MCM3AP: variants seen among roughly 807,000 people sequenced by gnomAD.
MCM3AP encodes germinal-center associated nuclear protein.
A neutral mutation model predicts 184.1 loss-of-function variants in MCM3AP; 126 were observed. The observed-to-expected ratio is 0.68, with a 90% confidence interval of 0.59 to 0.79. The LOEUF (loss-of-function observed/expected upper bound fraction) is 0.79. MCM3AP is among the 30% of genes least tolerant of loss of function. MCM3AP has a pLI of 0.00. For synonymous variants in MCM3AP, 1,002 were observed against 979.3 expected (o/e 1.02, Z -0.43); for missense variants, 2,496 against 2,479.2 (o/e 1.01, Z -0.14).
chr21:46,254,325 C>T (rs2080914648), intron 19 of MCM3AP, 67 bp downstream of exon 19: 1 of 1,590,036 alleles, frequency 6.3e-7, no homozygotes. Flanking sequence ...ATACCCGGCC[C>T]TGGCCCACAA....
At chr21:46,246,499 G>A in intron 21 of MCM3AP, 95 bp from the exon 22 acceptor site, 3 of 1,413,202 alleles carry the variant, frequency 2.1e-6, no homozygotes, top group Non-Finnish European at 3.0e-6. Context: ...GTCCTGCAGT[G>A]GACAGTCACC....
intron 21 of MCM3AP, 66 bp from the exon 22 acceptor site, chr21:46,246,470 A>G: frequency 7.5e-7 from 1 of 1,340,416 alleles, no homozygotes; most frequent in Non-Finnish European, 1.1e-6. Flanking sequence ...AACATATCTC[A>G]CTGTGCTGAC....
intron 20 of MCM3AP, chr21:46,250,029 C>T (rs1457674056): frequency 6.5e-6 from 1 of 154,322 alleles, no homozygotes; most frequent in Admixed American, 6.5e-5. Flanking sequence ...AGTTCCAGGA[C>T]AGAGGGAACA....
chr21:46,285,317 G>A lies in MCM3AP; in HGVS notation c.-31C>T, dbSNP rs765262280. On this transcript the variant is annotated 5_prime_UTR_variant, in exon 1 of 28. Transcript: ENST00000291688. ...GCTCCAATTATTAGAAGGTAATTAAGTATTATGTGTACAAAATTAATTGGC... is the reference window on the plus strand; with the variant it reads ...GCTCCAATTATTAGAAGGTAATTAAATATTATGTGTACAAAATTAATTGGC... The A allele has an allele frequency of 1.3e-6, 2 of 1,487,926 alleles. No homozygotes were observed. The highest frequency in any genetic ancestry group is 2.3e-5 in the South Asian group (2 of 86,894). The allele number at this position is 1,487,926 out of a possible 1,614,324, so 92.2% of individuals were successfully genotyped here.
In MCM3AP at chr21:46,277,599, T is replaced by G. The variant is rs35302603; in HGVS notation, c.1786A>C (p.Ile596Leu). Reference protein sequence around the residue: ...GPCVLSLSTLIGTVAETSKEK... With the variant: ...GPCVLSLSTLLGTVAETSKEK... ...TTGGATGTCTCAGCCACAGTGCCTA[T>G]CAGGGTACTGAGGGAGAGCACACAT... The change falls in exon 5 of 28, where the codon ATA becomes CTA. Residue 596 changes from isoleucine to leucine, a missense_variant. Ile to Leu is a conservative substitution (Grantham distance 5). Transcript: ENST00000291688. The G allele has an allele frequency of 5.0e-6, 8 of 1,611,552 alleles. No homozygotes were observed. The Middle Eastern group carries it at 8.5e-4, about 172-fold the overall frequency.
At chr21:46,235,601 A>G (rs1601469136) in intron 27 of MCM3AP, 175 bp from the exon 28 acceptor site, 2 of 606,394 alleles carry the variant, frequency 3.3e-6, no homozygotes, top group African/African-American at 3.7e-5. Flanking sequence ...TAGCTCGTAC[A>G]TTCAGCTGGT....
At chr21:46,242,642 A>G in intron 25 of MCM3AP, 160 bp downstream of exon 25, 1 of 614,226 alleles carries the variant, frequency 1.6e-6, no homozygotes, top group Non-Finnish European at 2.7e-6. Context: ...ACTTTGTTCT[A>G]GAATAGTTTC....
At chr21:46,251,708 CAAAAA>C in intron 19 of MCM3AP, 26 bp from the exon 20 acceptor site, 1 of 1,404,928 alleles carries the variant, frequency 7.1e-7, no homozygotes, top group Non-Finnish European at 9.8e-7. Context: ...AAACAAAAAA[CAAAAA>C]AAACACTTGA....
In MCM3AP at chr21:46,284,446, C is replaced by T; in HGVS notation, c.841G>A (p.Val281Met). The stretch of plus-strand genomic sequence containing the variant: ...TTCATTAGGCTGGGAAGTGGTTCCA[C>T]CTGGGAAACAGCTTCTTCACACCCC... The part of the protein sequence containing the change: ...RQGCEEAVSQ[V>M]EPLPSLMKGL... Residue 281 changes from valine to methionine, a missense_variant, in exon 1 of 28, where the codon GTG (valine) becomes ATG (methionine). Val to Met is a conservative substitution (Grantham distance 21, BLOSUM62 1). Around this residue, in one of 5 missense-constraint regions of MCM3AP, gnomAD observed 800 missense variants for 717.1 expected, o/e 1.12. Coordinates refer to ENST00000291688, the MANE Select transcript of MCM3AP (RefSeq NM_003906.5). 6.2e-7 allele frequency: 1 copy of T among 1,614,130 alleles called. No homozygotes were observed. Among genetic ancestry groups the T allele is most frequent in the Non-Finnish European group, 8.5e-7 (1 of 1,180,020 alleles).
intron 15 of MCM3AP, 200 bp from the exon 16 acceptor site, chr21:46,259,291 T>C (rs1384577720): frequency 4.8e-6 from 2 of 414,370 alleles, no homozygotes; most frequent in Non-Finnish European, 8.5e-6. Context: ...CTGTCTCTAC[T>C]AAAAATACAA....
intron 8 of MCM3AP, among the ~76,000 whole-genome samples, chr21:46,271,632 G>A (rs1015402483): frequency 1.3e-5 from 2 of 152,076 alleles, no homozygotes; most frequent in Admixed American, 1.3e-4. Context: ...GCCGAGGCAG[G>A]TGGATCACCT....
At chr21:46,251,767 G>T (rs2080873269) in intron 19 of MCM3AP, 85 bp from the exon 20 acceptor site, 3 of 860,500 alleles carry the variant, frequency 3.5e-6, no homozygotes, top group Non-Finnish European at 3.5e-6. Flanking sequence ...TTCAGGAAAA[G>T]AAGAAAGAAA....
intron 13 of MCM3AP, 62 bp downstream of exon 13, chr21:46,264,055 T>C (rs1245807885): frequency 6.8e-6 from 8 of 1,178,968 alleles, no homozygotes; most frequent in Non-Finnish European, 1.0e-5. Flanking sequence ...AGGAAACTTC[T>C]GGAGGACTGG....
chr21:46,260,438 G>A (rs2032226), intron 15 of MCM3AP, among the ~76,000 whole-genome samples: 60,882 of 151,868 alleles, frequency 0.4, 12,563 homozygotes, highest in Admixed American at 0.47. Context: ...GGTGCCTGGC[G>A]TAGAATTTGT....
chr21:46,246,732 T>C lies in MCM3AP; in HGVS notation c.4445A>G (p.Gln1482Arg). Reference sequence around the variant, plus strand: ...CTTAGCCTGCAGGAGCTGCTTGAGCTGCAGCAAGGCCGACAGCCAGTACAC... The same window carrying C: ...CTTAGCCTGCAGGAGCTGCTTGAGCCGCAGCAAGGCCGACAGCCAGTACAC... ...EDVYWLSALL[Q>R]LKQLLQAKPF... The change falls in exon 21 of 28, where the codon CAG (glutamine) becomes CGG (arginine). Residue 1482 changes from glutamine (Q) to arginine (R), a missense_variant. Transcript: ENST00000291688. 6.2e-7 allele frequency: 1 copy of C among 1,614,254 alleles called. No homozygotes were observed. Among genetic ancestry groups the C allele is most frequent in the Non-Finnish European group, 8.5e-7 (1 of 1,180,036 alleles).
At chr21:46,250,608 G>A (rs968766232) in intron 20 of MCM3AP, 2 of 152,208 alleles carry the variant, frequency 1.3e-5, no homozygotes, top group African/African-American at 2.4e-5. Flanking sequence ...GAAGTCTTTG[G>A]CCACAGCCTG....
At chr21:46,279,265 G>A (rs1429681729) in intron 4 of MCM3AP, among the ~76,000 whole-genome samples, 3 of 38,158 alleles carry the variant, frequency 7.9e-5, no homozygotes, top group African/African-American at 5.6e-4. Context: ...TCCAACCTGG[G>A]CAACAGCCAG....
chr21:46,269,028 A>C, intron 9 of MCM3AP, among the ~76,000 whole-genome samples: 1 of 152,258 alleles, frequency 6.6e-6, no homozygotes, highest in Non-Finnish European at 1.5e-5. Context: ...ACAGAGCGAG[A>C]CTCCATCTCT....
Position 46,283,759 on chromosome 21 carries a change from T to G in MCM3AP, c.1299A>C (p.Glu433Asp). 1 of 1,614,198 alleles carries G rather than the reference T, an allele frequency of 6.2e-7. No homozygotes were observed. Among genetic ancestry groups the G allele is most frequent in the Non-Finnish European group, 8.5e-7 (1 of 1,180,010 alleles). The change falls in exon 2 of 28, where the codon GAA becomes GAC. Residue 433 changes from glutamate (E) to aspartate (D), a missense_variant. Physicochemically the swap from Glu to Asp is conservative, Grantham distance 45 (BLOSUM62 2). Around this residue, in one of 5 missense-constraint regions of MCM3AP, gnomAD observed 800 missense variants for 717.1 expected, o/e 1.12. Transcript: ENST00000291688. ...TDSLGGLSPS[E>D]VTAIQCKNIP... ...TGTTCTTGCACTGGATGGCTGTGAC[T>G]TCAGAGGGAGACAAGCCCCCAAGAC...
Sources: gnomAD v4.1 joint callset for allele counts (sites outside exome capture counted in the v4.1 genomes callset) on GRCh38, gnomAD v4.1.1 for gene constraint, gnomAD v4.1.1 regional missense constraint, MANE v1.5 for transcripts, NCBI Gene and HGNC (gene_info 2026-07-23, HGNC 2026-07-21) for gene names.